Variants in SGCD observed in about 807,000 individuals in gnomAD.
SGCD encodes the protein delta-sarcoglycan.
SGCD carries 18 observed loss-of-function variants against 36.6 expected under a neutral mutation model. That is an observed-to-expected ratio of 0.49 (90% CI 0.34 to 0.73). The LOEUF (loss-of-function observed/expected upper bound fraction) is 0.73. Among genes scored for constraint, SGCD ranks in the 30% least tolerant of loss-of-function variants. SGCD has a pLI of 0.01. For synonymous variants in SGCD, 133 were observed against 130.6 expected, an observed-to-expected ratio of 1.02 and a Z score of -0.12; for missense variants, 387 against 346.7, an observed-to-expected ratio of 1.12 and a Z score of -0.92.
At chr5:156,002,343 C>T (rs1006001514) in intron 1 of SGCD, among the ~76,000 whole-genome samples, 1 of 152,170 alleles carries the variant, frequency 6.6e-6, no homozygotes, top group African/African-American at 2.4e-5. Flanking sequence ...ACCCTTTGGT[C>T]GTGGATTTCT....
chr5:156,389,583 G>A (rs776310648), intron 3 of SGCD, among the ~76,000 whole-genome samples: 9 of 152,134 alleles, frequency 5.9e-5, no homozygotes, highest in Non-Finnish European at 1.3e-4. Context: ...GCTGGGGGTG[G>A]TGCTAGAGGG....
At chr5:155,984,256 CT>C (rs1360528813) in intron 1 of SGCD, among the ~76,000 whole-genome samples, 1 of 152,202 alleles carries the variant, frequency 6.6e-6, no homozygotes, top group Admixed American at 6.5e-5. Context: ...ATCATCTCCA[CT>C]TTGTGGATGA....
At chr5:155,975,968 A>G (rs1406286324) in intron 1 of SGCD, among the ~76,000 whole-genome samples, 1 of 152,036 alleles carries the variant, frequency 6.6e-6, no homozygotes, top group Non-Finnish European at 1.5e-5. Context: ...TATAGATTCT[A>G]GTAATAGAGT....
intron 6 of SGCD, among the ~76,000 whole-genome samples, chr5:156,614,194 C>G (rs940144010): frequency 1.3e-5 from 2 of 152,188 alleles, no homozygotes; most frequent in African/African-American, 4.8e-5. Flanking sequence ...ATCTACCTGC[C>G]TCGGCCTCAC....
At chr5:156,471,907 T>G (rs1378234577) in intron 3 of SGCD, among the ~76,000 whole-genome samples, 1 of 147,996 alleles carries the variant, frequency 6.8e-6, no homozygotes, top group Non-Finnish European at 1.5e-5. Flanking sequence ...GTATAAATGA[T>G]TTGTATAATC....
chr5:156,438,208 T>C (rs779971228), intron 3 of SGCD, among the ~76,000 whole-genome samples: 11 of 152,196 alleles, frequency 7.2e-5, no homozygotes, highest in Admixed American at 1.3e-4. Context: ...AGCTGTGAAC[T>C]GGCCTCTAAA....
At chr5:156,121,918 C>A (rs1419787211) in intron 2 of SGCD, among the ~76,000 whole-genome samples, 2 of 152,108 alleles carry the variant, frequency 1.3e-5, no homozygotes, top group Admixed American at 6.5e-5. Flanking sequence ...AGCCTGTAAG[C>A]AGAGTCATCC....
chr5:155,806,127 A>G, the SGCD span, among the ~76,000 whole-genome samples: 1 of 152,166 alleles, frequency 6.6e-6, no homozygotes, highest in African/African-American at 2.4e-5. Flanking sequence ...TTTAAAACAA[A>G]CACTATTCTG....
At chr5:156,473,360 A>G (rs1400579199) in intron 3 of SGCD, among the ~76,000 whole-genome samples, 3 of 152,360 alleles carry the variant, frequency 2.0e-5, no homozygotes, top group Non-Finnish European at 2.9e-5. Context: ...AATGCATTCA[A>G]TACACCTAAC....
intron 3 of SGCD, among the ~76,000 whole-genome samples, chr5:156,187,093 T>C (rs1305464802): frequency 6.6e-6 from 1 of 152,122 alleles, no homozygotes; most frequent in African/African-American, 2.4e-5. Flanking sequence ...AGGGTGAGTA[T>C]TTCAAAATAT....
chr5:156,401,879 C>T (rs545131418), intron 3 of SGCD, among the ~76,000 whole-genome samples: 3 of 152,244 alleles, frequency 2.0e-5, no homozygotes, highest in East Asian at 1.9e-4. Context: ...CATCCATCTC[C>T]AAAACTTTTT....
At chr5:156,690,429 A>G (rs1331709605) in intron 7 of SGCD, among the ~76,000 whole-genome samples, 1 of 152,174 alleles carries the variant, frequency 6.6e-6, no homozygotes, top group East Asian at 1.9e-4. Context: ...GTGAGCACTC[A>G]AGGGAATAGA....
chr5:156,587,346 A>G (rs1046276800), intron 4 of SGCD, among the ~76,000 whole-genome samples: 9 of 152,192 alleles, frequency 5.9e-5, no homozygotes, highest in African/African-American at 2.2e-4. Flanking sequence ...TCAGATTGTT[A>G]GCTCTTCAGA....
At chr5:156,280,189 C>T (rs975178408) in intron 3 of SGCD, among the ~76,000 whole-genome samples, 6 of 152,136 alleles carry the variant, frequency 3.9e-5, no homozygotes, top group East Asian at 1.9e-4. Flanking sequence ...GCCACACTGG[C>T]CAACAACTGG....
At chr5:156,185,606 CAGTT>C (rs961505953) in intron 3 of SGCD, among the ~76,000 whole-genome samples, 21 of 151,660 alleles carry the variant, frequency 1.4e-4, no homozygotes, top group African/African-American at 4.1e-4. Context: ...TGAAAGACTA[CAGTT>C]AGTTGTCTGA....
intron 3 of SGCD, among the ~76,000 whole-genome samples, chr5:156,124,778 G>T (rs974039057): frequency 6.6e-6 from 1 of 151,826 alleles, no homozygotes; most frequent in Admixed American, 6.6e-5. Context: ...TGGAGGGAGG[G>T]GAGAGAGAGA....
At chr5:155,781,529 A>G in the SGCD span, among the ~76,000 whole-genome samples, 1 of 152,138 alleles carries the variant, frequency 6.6e-6, no homozygotes, top group Non-Finnish European at 1.5e-5. Flanking sequence ...TGGCATGATC[A>G]TGGCCCAATG....
At chr5:156,453,954 G>A (rs115807524) in intron 3 of SGCD, among the ~76,000 whole-genome samples, 1,891 of 152,262 alleles carry the variant, frequency 0.012, 39 homozygotes, top group African/African-American at 0.043. Flanking sequence ...TGGGGCCAAT[G>A]GTGATGGGAG....
At chr5:156,556,393 G>T (rs1759023316) in intron 4 of SGCD, among the ~76,000 whole-genome samples, 2 of 152,024 alleles carry the variant, frequency 1.3e-5, no homozygotes, top group Non-Finnish European at 1.5e-5. Context: ...TCCAAATTGG[G>T]TCTGTCCTTT....
Sources: gnomAD v4.1 joint callset for allele counts (sites outside exome capture counted in the v4.1 genomes callset) on GRCh38, gnomAD v4.1.1 for gene constraint, MANE v1.5 for transcripts, NCBI Gene and HGNC (gene_info 2026-07-23, HGNC 2026-07-21) for gene names.